The following RABGAP1L variants were observed in gnomAD, a reference collection of about 807,000 sequenced individuals.
RABGAP1L encodes rab GTPase-activating protein 1-like.
In RABGAP1L, 63 loss-of-function variants were observed where a neutral mutation model predicts 137.7. That is an observed-to-expected ratio of 0.46 (90% CI 0.37 to 0.56). RABGAP1L has a LOEUF of 0.56. RABGAP1L is among the 20% of genes least tolerant of loss of function. The pLI, the probability that RABGAP1L is intolerant of heterozygous loss-of-function variation, is 0.00. For missense variants in RABGAP1L, 1,095 were observed against 1,244.0 expected (o/e 0.88, Z 1.80); for synonymous variants, 431 against 433.7 (o/e 0.99, Z 0.08).
chr1:174,274,815 C>G (rs1674843755), intron 8 of RABGAP1L, among the ~76,000 whole-genome samples: 1 of 152,068 alleles, frequency 6.6e-6, no homozygotes, highest in South Asian at 2.1e-4. Flanking sequence ...TAGTAATTAC[C>G]AAATGACTGA....
At chr1:174,206,043 A>T (rs1413382553) in intron 1 of RABGAP1L, among the ~76,000 whole-genome samples, 1 of 152,170 alleles carries the variant, frequency 6.6e-6, no homozygotes. Context: ...CTCTCACTGC[A>T]CACTGTCATT....
intron 11 of RABGAP1L, among the ~76,000 whole-genome samples, chr1:174,316,157 T>G (rs1679359994): frequency 6.6e-6 from 1 of 152,234 alleles, no homozygotes; most frequent in African/African-American, 2.4e-5. Flanking sequence ...TATCTTGAAT[T>G]TCTTTGATTT....
chr1:174,931,875 T>C (rs767953477), intron 19 of RABGAP1L, among the ~76,000 whole-genome samples: 1 of 152,132 alleles, frequency 6.6e-6, no homozygotes, highest in Non-Finnish European at 1.5e-5. Flanking sequence ...TTGGCTTCTC[T>C]GGTAGAAGAC....
At chr1:174,818,033 TG>T (rs1327514500) in intron 19 of RABGAP1L, among the ~76,000 whole-genome samples, 13 of 152,326 alleles carry the variant, frequency 8.5e-5, no homozygotes, top group Non-Finnish European at 1.9e-4. Flanking sequence ...ATGTTGTTCG[TG>T]GTACATATCC....
In RABGAP1L at chr1:174,989,838, G is replaced by T. The variant is rs934564750; in HGVS notation, c.3004-11G>T. 5.2e-6 allele frequency: 8 copies of T among 1,547,728 alleles called. No individual in the cohort carries two copies. Among genetic ancestry groups the T allele is most frequent in the Non-Finnish European group, 7.0e-6 (8 of 1,145,476 alleles). On this transcript the variant is annotated splice_polypyrimidine_tract_variant and intron_variant, in intron 25 of 25. Transcript: ENST00000681986. ...TTTATTTAACTCAGATGATTTTCTT[G>T]CTTTAATTAGGAACTTGAACATCAG...
intron 13 of RABGAP1L, among the ~76,000 whole-genome samples, chr1:174,447,281 T>G (rs1213587296): frequency 6.6e-6 from 1 of 152,230 alleles, no homozygotes; most frequent in Non-Finnish European, 1.5e-5. Flanking sequence ...TGTTAATTCA[T>G]TAATTCATTG....
At chr1:174,526,096 C>A (rs926803836) in intron 13 of RABGAP1L, among the ~76,000 whole-genome samples, 2 of 152,092 alleles carry the variant, frequency 1.3e-5, no homozygotes, top group South Asian at 4.1e-4. Flanking sequence ...ATTGTCTATT[C>A]ATGTCCTTTG....
At chr1:174,172,055 T>C (rs1351300528) in intron 1 of RABGAP1L, among the ~76,000 whole-genome samples, 1 of 151,868 alleles carries the variant, frequency 6.6e-6, no homozygotes, top group South Asian at 2.1e-4. Flanking sequence ...AATGAGATCA[T>C]GTAGTGTCTT....
At chr1:174,967,666 T>C (rs993343974) in intron 20 of RABGAP1L, among the ~76,000 whole-genome samples, 2 of 151,904 alleles carry the variant, frequency 1.3e-5, no homozygotes, top group Admixed American at 6.6e-5. Flanking sequence ...AAAAATTTTT[T>C]TGTAGAGATG....
At chr1:174,728,653 G>GTGGT (rs1682204609) in intron 17 of RABGAP1L, among the ~76,000 whole-genome samples, 2 of 144,904 alleles carry the variant, frequency 1.4e-5, no homozygotes, top group Non-Finnish European at 3.0e-5. Flanking sequence ...GCTGGAGTGC[G>GTGGT]GTGGTGTGAT....
intron 14 of RABGAP1L, among the ~76,000 whole-genome samples, chr1:174,653,353 C>A (rs1675705968): frequency 1.3e-5 from 2 of 152,162 alleles, no homozygotes; most frequent in Admixed American, 6.5e-5. Flanking sequence ...AAAACTCCTG[C>A]AGCTAGCTTG....
At chr1:174,686,841 A>G (rs1678510417) in intron 15 of RABGAP1L, among the ~76,000 whole-genome samples, 1 of 150,140 alleles carries the variant, frequency 6.7e-6, no homozygotes, top group Non-Finnish European at 1.5e-5. Context: ...TTTTTTTTTC[A>G]GTAGAGACAG....
At chr1:174,967,062 T>A (rs1669691571) in intron 20 of RABGAP1L, among the ~76,000 whole-genome samples, 1 of 152,138 alleles carries the variant, frequency 6.6e-6, no homozygotes, top group Admixed American at 6.5e-5. Context: ...TAATATTGGT[T>A]GTTTATATTG....
At chr1:174,802,787 G>A (rs1163034776) in intron 18 of RABGAP1L, among the ~76,000 whole-genome samples, 2 of 152,218 alleles carry the variant, frequency 1.3e-5, no homozygotes, top group Admixed American at 6.5e-5. Context: ...TATTCAGTAA[G>A]TTACTGCTCA....
chr1:174,708,795 G>A (rs1680255111), intron 17 of RABGAP1L, among the ~76,000 whole-genome samples: 1 of 152,144 alleles, frequency 6.6e-6, no homozygotes, highest in East Asian at 1.9e-4. Flanking sequence ...TTTTACCCCA[G>A]TGGTGCCTGG....
At chr1:174,921,082 C>T (rs1025362601) in intron 19 of RABGAP1L, among the ~76,000 whole-genome samples, 7 of 152,120 alleles carry the variant, frequency 4.6e-5, no homozygotes, top group Non-Finnish European at 1.0e-4. Flanking sequence ...GCCACCATGC[C>T]CAGCTAATTT....
At chr1:174,314,090 T>C (rs946317417) in intron 11 of RABGAP1L, among the ~76,000 whole-genome samples, 1 of 152,146 alleles carries the variant, frequency 6.6e-6, no homozygotes, top group African/African-American at 2.4e-5. Context: ...TGGATTGGTG[T>C]TAGTTCTTTA....
intron 11 of RABGAP1L, among the ~76,000 whole-genome samples, chr1:174,322,178 TC>T (rs1458879168): frequency 1.3e-5 from 2 of 152,236 alleles, no homozygotes; most frequent in African/African-American, 4.8e-5. Flanking sequence ...AAGATTTTTT[TC>T]CTTTGCTCCT....
At chr1:174,420,954 T>C (rs548692524) in intron 13 of RABGAP1L, among the ~76,000 whole-genome samples, 18 of 152,176 alleles carry the variant, frequency 1.2e-4, no homozygotes, top group Middle Eastern at 3.4e-3. Context: ...GGATTACAGG[T>C]GTGAGCCACC....
Sources: allele counts gnomAD v4.1 joint callset (sites outside exome capture counted in the v4.1 genomes callset), GRCh38; gene constraint gnomAD v4.1.1; transcripts MANE v1.5; gene names NCBI Gene and HGNC (gene_info 2026-07-23, HGNC 2026-07-21).